CDH2: variants seen among roughly 807,000 people sequenced by gnomAD.
The protein encoded by CDH2 is cadherin 2.
CDH2 carries 17 observed loss-of-function variants against 92.0 expected under a neutral mutation model. That is an observed-to-expected ratio of 0.18 (90% CI 0.13 to 0.28). CDH2 has a LOEUF of 0.28. Among genes scored for constraint, CDH2 ranks in the 10% least tolerant of loss-of-function variants. The pLI is 1.00. For missense variants in CDH2, 862 were observed against 1,133.1 expected, an observed-to-expected ratio of 0.76 and a Z score of 3.44; for synonymous variants, 419 against 415.9, an observed-to-expected ratio of 1.01 and a Z score of -0.09.
chr18:27,947,777 GTATATGTGATATAAGTA>G (rs199807826), downstream of CDH2, among the ~76,000 whole-genome samples: 7 of 2,780 alleles, frequency 2.5e-3, no homozygotes, highest in Non-Finnish European at 9.2e-3. Context: ...TGTGATATAA[GTATATGTGATATAAGTA>G]TATGTGATGT....
At chr18:28,144,525 C>A (rs1310943636) in intron 2 of CDH2, among the ~76,000 whole-genome samples, 2 of 151,922 alleles carry the variant, frequency 1.3e-5, no homozygotes, top group African/African-American at 4.8e-5. Context: ...TTCCCTTTGA[C>A]CTAGTAATTC....
intron 2 of CDH2, among the ~76,000 whole-genome samples, chr18:28,111,874 T>A (rs1270453699): frequency 6.6e-6 from 1 of 152,128 alleles, no homozygotes; most frequent in African/African-American, 2.4e-5. Context: ...AAGAAAAAAA[T>A]GTAAACAGTT....
In CDH2 at chr18:27,985,563, G is replaced by T. The variant is rs760159166; in HGVS notation, c.1940C>A (p.Thr647Asn). 1.2e-6 allele frequency: 2 copies of T among 1,613,168 alleles called. No individual in the cohort carries two copies. Among genetic ancestry groups the T allele is most frequent in the Admixed American group, 3.3e-5 (2 of 60,008 alleles). ...AGTGATGGTCCAATTTCTCTTAATAGTCACTGGAGATAAAGGAAGATCAAA... is the reference window on the plus strand; with the variant it reads ...AGTGATGGTCCAATTTCTCTTAATATTCACTGGAGATAAAGGAAGATCAAA... ...FAFDLPLSPV[T>N]IKRNWTITRL... Residue 647 changes from threonine (T) to asparagine (N), a missense_variant, in exon 12 of 16, where the codon ACT becomes AAT. Around this residue, in one of 5 missense-constraint regions of CDH2, gnomAD observed 564 missense variants for 722.2 expected, o/e 0.78. Transcript: ENST00000269141.
rs866719063 is a variant in CDH2 at position 28,043,493 on chromosome 18, T to A, written c.173-29584A>T. On this transcript the variant is annotated intron_variant, in intron 2 of 15. Transcript: ENST00000269141. ...ATATATATATATATATATATATATA[T>A]AAATATATATATATATATATATAAA... Among the ~76,000 whole-genome samples, 399 of 69,866 alleles carry A rather than the reference T, an allele frequency of 5.7e-3. 3 individuals are homozygous for A. The highest frequency in any genetic ancestry group is 0.018 in the East Asian group (32 of 1,744). 45.8% of individuals were successfully genotyped at this position (69,866 alleles called of 152,430 possible).
At chr18:27,957,960 G>A (rs1264093687) in intron 15 of CDH2, among the ~76,000 whole-genome samples, 1 of 152,012 alleles carries the variant, frequency 6.6e-6, no homozygotes, top group Non-Finnish European at 1.5e-5. Context: ...ACTCCTAAAA[G>A]GTAATTTACC....
intron 6 of CDH2, among the ~76,000 whole-genome samples, chr18:27,941,821 G>T (rs1391276080): frequency 6.6e-6 from 1 of 151,626 alleles, no homozygotes. Context: ...GATCTCTTTA[G>T]GATCTATCAC....
chr18:28,039,293 T>C (rs891809476), intron 2 of CDH2, among the ~76,000 whole-genome samples: 2 of 152,082 alleles, frequency 1.3e-5, no homozygotes, highest in Admixed American at 1.3e-4. Context: ...TCACAGGACG[T>C]CCTGTGTTTG....
At chr18:28,097,876 A>C (rs1323558854) in intron 2 of CDH2, among the ~76,000 whole-genome samples, 1 of 152,158 alleles carries the variant, frequency 6.6e-6, no homozygotes, top group Non-Finnish European at 1.5e-5. Context: ...TCCTAAAAAG[A>C]TTTTCAATTT....
intron 2 of CDH2, among the ~76,000 whole-genome samples, chr18:28,046,653 T>C (rs982649212): frequency 3.6e-4 from 55 of 152,326 alleles, no homozygotes; most frequent in Admixed American, 1.2e-3. Context: ...GTCACAGACC[T>C]GAATAAAATC....
At chr18:28,150,279 C>T (rs1290775867) in intron 1 of CDH2, among the ~76,000 whole-genome samples, 7 of 152,228 alleles carry the variant, frequency 4.6e-5, no homozygotes, top group Non-Finnish European at 7.4e-5. Flanking sequence ...ACGGAGCAGA[C>T]GGGGGTCACG....
At chr18:27,973,491 A>G (rs2143919566) in intron 14 of CDH2, among the ~76,000 whole-genome samples, 1 of 152,286 alleles carries the variant, frequency 6.6e-6, no homozygotes, top group East Asian at 1.9e-4. Flanking sequence ...TCCGTTTCTC[A>G]TGCCTATACA....
At chr18:28,107,414 C>T (rs1163895162) in intron 2 of CDH2, among the ~76,000 whole-genome samples, 1 of 151,860 alleles carries the variant, frequency 6.6e-6, no homozygotes, top group African/African-American at 2.4e-5. Flanking sequence ...ACTGTTGAAT[C>T]CGTGATATAT....
At chr18:28,093,658 G>A (rs1465119779) in intron 2 of CDH2, among the ~76,000 whole-genome samples, 5 of 152,052 alleles carry the variant, frequency 3.3e-5, no homozygotes, top group South Asian at 2.1e-4. Context: ...AAAACATTGC[G>A]AAAAATCACC....
At chr18:27,997,725 T>C (rs2012627662) in intron 7 of CDH2, among the ~76,000 whole-genome samples, 1 of 151,638 alleles carries the variant, frequency 6.6e-6, no homozygotes, top group Admixed American at 6.6e-5. Flanking sequence ...GATTTGCCTC[T>C]AGATAAATTG....
At chr18:27,977,196 G>C (rs2011860539) in intron 14 of CDH2, among the ~76,000 whole-genome samples, 1 of 152,082 alleles carries the variant, frequency 6.6e-6, no homozygotes, top group South Asian at 2.1e-4. Flanking sequence ...ACCGCTAACA[G>C]CCCTGTGTGG....
chr18:28,043,563 GA>G (rs917943325), intron 2 of CDH2, among the ~76,000 whole-genome samples: 1 of 142,190 alleles, frequency 7.0e-6, no homozygotes, highest in African/African-American at 2.6e-5. Context: ...GAGCTTTAAG[GA>G]CACTTAAACT....
rs1473877515 is a variant in CDH2, at chr18:27,951,235, GAAAATAA to G, written c.*911_*917del. ...CTTTTCTCCCTCCCCAAACCAAAAA[GAAAATAA>G]AAAATAAAAAAATTAAAAAAATTAA... is the stretch of plus-strand genomic sequence containing the variant. On this transcript the variant is annotated 3_prime_UTR_variant, in exon 16 of 16. Transcript: ENST00000269141. The G allele has an allele frequency of 3.6e-4, 48 of 134,398 alleles. No individual in the cohort carries two copies. The highest frequency in any genetic ancestry group is 1.3e-3 in the African/African-American group (48 of 35,564). The allele number at this position is 134,398 out of a possible 1,614,324, so 8.3% of individuals were successfully genotyped here.
intron 2 of CDH2, among the ~76,000 whole-genome samples, chr18:28,123,722 G>A (rs555772376): frequency 1.2e-3 from 183 of 152,182 alleles, no homozygotes; most frequent in Non-Finnish European, 1.7e-3. Context: ...CCACTGTATC[G>A]ATCTCACTAA....
chr18:28,033,423 C>T (rs1245676399), intron 2 of CDH2, among the ~76,000 whole-genome samples: 1 of 152,032 alleles, frequency 6.6e-6, no homozygotes, highest in African/African-American at 2.4e-5. Flanking sequence ...AACAGAGGCA[C>T]AAACTAAAGA....
Sources: gnomAD v4.1 joint callset for allele counts (sites outside exome capture counted in the v4.1 genomes callset) on GRCh38, gnomAD v4.1.1 for gene constraint, gnomAD v4.1.1 regional missense constraint, MANE v1.5 for transcripts, NCBI Gene and HGNC (gene_info 2026-07-23, HGNC 2026-07-21) for gene names.